Variants in SUGCT observed in about 807,000 individuals in gnomAD.
The protein encoded by SUGCT is succinyl-CoA:glutarate-CoA transferase, also known as succinyl-CoA:glutarate CoA-transferase.
In SUGCT, 41 loss-of-function variants were observed where a neutral mutation model predicts 55.0. The ratio of observed to expected loss-of-function variants is 0.74; its 90% CI spans 0.58 to 0.97. The LOEUF is 0.97. SUGCT is among the 50% of genes least tolerant of loss of function. SUGCT has a pLI of 0.00. For missense variants in SUGCT, 568 were observed against 547.8 expected (o/e 1.04, Z -0.37); for synonymous variants, 187 against 200.4 (o/e 0.93, Z 0.56).
At chr7:40,881,160 A>G in the SUGCT span, among the ~76,000 whole-genome samples, 1 of 152,178 alleles carries the variant, frequency 6.6e-6, no homozygotes, top group Admixed American at 6.5e-5. Flanking sequence ...ATGTTCTCCC[A>G]TGTTCTCAGA....
chr7:40,561,945 C>T (rs1213982272), intron 12 of SUGCT, among the ~76,000 whole-genome samples: 2 of 150,450 alleles, frequency 1.3e-5, no homozygotes, highest in South Asian at 2.1e-4. Context: ...TGGCCTCAGC[C>T]TCCCAAAGTG....
chr7:40,486,701 T>C (rs192702120), intron 11 of SUGCT, among the ~76,000 whole-genome samples: 18 of 150,964 alleles, frequency 1.2e-4, no homozygotes, highest in Admixed American at 1.1e-3. Flanking sequence ...ATTTTATAAT[T>C]TTTCTTTCAT....
At chr7:40,440,151 T>G (rs1158380877) in intron 9 of SUGCT, among the ~76,000 whole-genome samples, 10 of 112,738 alleles carry the variant, frequency 8.9e-5, no homozygotes, top group South Asian at 2.8e-4. Flanking sequence ...GTGTGTTTTT[T>G]TTTTTTTTTT....
intron 10 of SUGCT, among the ~76,000 whole-genome samples, chr7:40,451,593 C>T (rs1441250943): frequency 2.0e-5 from 3 of 151,614 alleles, no homozygotes; most frequent in Admixed American, 6.6e-5. Flanking sequence ...AATCCAATGT[C>T]TGTAAAACTC....
chr7:40,984,993 G>A, the SUGCT span, among the ~76,000 whole-genome samples: 1 of 152,128 alleles, frequency 6.6e-6, no homozygotes, highest in East Asian at 1.9e-4. Context: ...AGAGACTCAA[G>A]GGAACATTTT....
At chr7:40,367,510 A>G (rs191459468) in intron 9 of SUGCT, among the ~76,000 whole-genome samples, 87 of 152,260 alleles carry the variant, frequency 5.7e-4, no homozygotes, top group African/African-American at 1.5e-3. Context: ...ATATGAACTT[A>G]CTAAACAACA....
At chr7:40,175,334 C>T (rs1784872476) in intron 1 of SUGCT, among the ~76,000 whole-genome samples, 1 of 152,046 alleles carries the variant, frequency 6.6e-6, no homozygotes, top group Non-Finnish European at 1.5e-5. Flanking sequence ...ATTCTCCTGC[C>T]TCAGCCCCCC....
At chr7:40,277,397 C>A (rs1288925389) in intron 8 of SUGCT, among the ~76,000 whole-genome samples, 1 of 151,414 alleles carries the variant, frequency 6.6e-6, no homozygotes, top group Non-Finnish European at 1.5e-5. Context: ...GCCATGTTGG[C>A]CAGGCTGGTC....
chr7:40,487,250 GTTTTTTTTTT>G (rs1167865633), intron 11 of SUGCT, among the ~76,000 whole-genome samples: 4 of 42,902 alleles, frequency 9.3e-5, no homozygotes, highest in Non-Finnish European at 1.8e-4. Context: ...ACACCCAGCT[GTTTTTTTTTT>G]TTTTTTTTTT....
intron 12 of SUGCT, among the ~76,000 whole-genome samples, chr7:40,729,014 G>T (rs913784715): frequency 6.6e-6 from 1 of 152,014 alleles, no homozygotes; most frequent in Non-Finnish European, 1.5e-5. Flanking sequence ...CAAGTAGCTG[G>T]GCTAGAATTT....
chr7:40,857,533 T>A (rs1438711492), intron 13 of SUGCT, among the ~76,000 whole-genome samples: 1 of 152,106 alleles, frequency 6.6e-6, no homozygotes, highest in African/African-American at 2.4e-5. Context: ...GGTAGCATAG[T>A]CTTCAGTGTA....
intron 13 of SUGCT, among the ~76,000 whole-genome samples, chr7:40,769,448 G>A (rs1788976772): frequency 6.6e-6 from 1 of 152,174 alleles, no homozygotes; most frequent in African/African-American, 2.4e-5. Flanking sequence ...TAATTATCCA[G>A]GAGGGCCTCG....
intron 6 of SUGCT, among the ~76,000 whole-genome samples, chr7:40,197,296 A>AT (rs900136372): frequency 1.4e-4 from 21 of 152,194 alleles, no homozygotes; most frequent in African/African-American, 4.8e-4. Flanking sequence ...TGAGGGAGAG[A>AT]TTTTTTTCCA....
At chr7:40,504,593 C>T (rs1370687161) in intron 12 of SUGCT, among the ~76,000 whole-genome samples, 1 of 151,988 alleles carries the variant, frequency 6.6e-6, no homozygotes, top group African/African-American at 2.4e-5. Context: ...TGCCACCACA[C>T]CCGCTAATTT....
chr7:40,936,871 G>C, the SUGCT span, among the ~76,000 whole-genome samples: 52 of 151,862 alleles, frequency 3.4e-4, no homozygotes, highest in African/African-American at 1.3e-3. Flanking sequence ...GTTGGTTAAG[G>C]ATGTGTTGCT....
chr7:40,956,402 A>G, the SUGCT span, among the ~76,000 whole-genome samples: 2 of 152,118 alleles, frequency 1.3e-5, no homozygotes, highest in East Asian at 3.8e-4. Context: ...TAGATTTTCT[A>G]GTTTATTCAG....
At chr7:40,803,319 G>A (rs1338353749) in intron 13 of SUGCT, among the ~76,000 whole-genome samples, 2 of 152,098 alleles carry the variant, frequency 1.3e-5, no homozygotes, top group Non-Finnish European at 2.9e-5. Context: ...GTCCTTCATG[G>A]ATATTGTTCC....
intron 12 of SUGCT, 85 bp from the exon 13 acceptor site, chr7:40,749,348 CG>C: frequency 9.8e-7 from 1 of 1,022,594 alleles, no homozygotes. Flanking sequence ...TCTTTGATGT[CG>C]ACTGAATAGA....
At chr7:40,259,814 T>G (rs539950678) in intron 7 of SUGCT, among the ~76,000 whole-genome samples, 1 of 152,346 alleles carries the variant, frequency 6.6e-6, no homozygotes, top group South Asian at 2.1e-4. Flanking sequence ...TTCTTGACCT[T>G]ATTAGATCTT....
Sources: allele counts gnomAD v4.1 joint callset (sites outside exome capture counted in the v4.1 genomes callset), GRCh38; gene constraint gnomAD v4.1.1; transcripts MANE v1.5; gene names NCBI Gene and HGNC (gene_info 2026-07-23, HGNC 2026-07-21).